The following EPG5 variants were observed in gnomAD, a reference collection of about 807,000 sequenced individuals.
EPG5 encodes the protein ectopic P granules protein 5 homolog.
A neutral mutation model predicts 302.7 loss-of-function variants in EPG5; 159 were observed. The observed-to-expected ratio is 0.53, with a 90% CI of 0.46 to 0.60. The LOEUF is 0.60. Among genes scored for constraint, EPG5 ranks in the 20% least tolerant of loss-of-function variants. The probability of loss-of-function intolerance (pLI) is 0.00; values close to 1 mark genes in which losing one functional copy is unlikely to be tolerated. For synonymous variants in EPG5, 1,158 were observed against 1,136.8 expected (o/e 1.02, Z -0.37); for missense variants, 2,896 against 3,092.4 (o/e 0.94, Z 1.51).
chr18:45,955,061 C>G lies in EPG5; in HGVS notation c.341G>C (p.Gly114Ala), dbSNP rs1465876496. 1.2e-6 allele frequency: 2 copies of G among 1,614,020 alleles called. No homozygotes were observed. Among genetic ancestry groups the G allele is most frequent in the Non-Finnish European group, 1.7e-6 (2 of 1,180,028 alleles). ...GACCTTTGGAGTGACTGCACTGTCC[C>G]CCACACAGGGTCTGGCCTCTCCCCC... ...KEGGEARPCV[G>A]DSAVTPKVHP... The change falls in exon 2 of 44, where the codon GGG becomes GCG. Residue 114 changes from glycine to alanine, a missense_variant. Transcript: ENST00000282041.
At chr18:45,953,273 G>T in intron 2 of EPG5, 1 of 983,386 alleles carries the variant, frequency 1.0e-6, no homozygotes, top group Non-Finnish European at 1.2e-6. Context: ...TTATGAATAT[G>T]AAGCCAATGT....
chr18:45,915,570 A>T lies in EPG5; in HGVS notation c.3634T>A (p.Trp1212Arg). 8 of 1,614,208 alleles carry T rather than the reference A, an allele frequency of 5.0e-6. No homozygotes were observed. Among genetic ancestry groups the T allele is most frequent in the Non-Finnish European group, 5.9e-6 (7 of 1,180,034 alleles). The change falls in exon 20 of 44, where the codon TGG (tryptophan) becomes AGG (arginine). Residue 1212 changes from tryptophan (W) to arginine (R), a missense_variant. Physicochemically the swap from Trp to Arg is moderately radical, Grantham distance 101. This residue lies in a region of EPG5 where 1,390 missense variants were observed against 1,430.0 expected (regional missense o/e 0.97). Transcript: ENST00000282041. ...DRSLLSSLVS[W>R]IVAGNITPSF... ...GGAGTGATGTTGCCTGCCACAATCC[A>T]GCTTACCAAAGATGAGAGCAGACTC...
At chr18:45,873,500 A>G (rs1029432688) in intron 35 of EPG5, among the ~76,000 whole-genome samples, 2 of 151,708 alleles carry the variant, frequency 1.3e-5, no homozygotes, top group Non-Finnish European at 2.9e-5. Context: ...ACAGAGTGAG[A>G]CTCAGTCTCA....
At chr18:45,960,673 G>A (rs796755618) in intron 1 of EPG5, among the ~76,000 whole-genome samples, 1 of 152,002 alleles carries the variant, frequency 6.6e-6, no homozygotes, top group African/African-American at 2.4e-5. Context: ...AAAACCTAAA[G>A]AAAAATACAA....
chr18:45,911,218 G>A (rs954742035), intron 22 of EPG5, among the ~76,000 whole-genome samples: 9 of 150,070 alleles, frequency 6.0e-5, no homozygotes, highest in African/African-American at 2.2e-4. Context: ...ACCTCCTGGC[G>A]ACTCTCCTGA....
In EPG5 at chr18:45,910,698, G is replaced by A. The variant is rs2049872647; in HGVS notation, c.4028C>T (p.Pro1343Leu). The change falls in exon 23 of 44, where the codon CCT becomes CTT. Residue 1343 changes from proline (P) to leucine (L), a missense_variant. Pro to Leu is a moderately conservative substitution (Grantham distance 98). Around this residue, in one of 5 missense-constraint regions of EPG5, gnomAD observed 790 missense variants for 798.0 expected, o/e 0.99. Coordinates refer to ENST00000282041, the MANE Select transcript of EPG5 (RefSeq NM_020964.3). ...GCIGRRFFQS[P>L]AHINLLKEMK... is the part of the protein sequence containing the mutation. The stretch of plus-strand genomic sequence containing the variant: ...TTCTTTCAACAAATTGATATGAGCA[G>A]GACTTTGAAAAAACCTTCTTCCAAT... The A allele has an allele frequency of 3.7e-6, 6 of 1,614,022 alleles. No homozygotes were observed. The highest frequency in any genetic ancestry group is 5.1e-6 in the Non-Finnish European group (6 of 1,179,988).
Position 45,952,567 on chromosome 18 carries a change from A to G in EPG5, c.1085T>C (p.Val362Ala). The change falls in exon 3 of 44, where the codon GTG (valine) becomes GCG (alanine). Residue 362 changes from valine (V) to alanine (A), a missense_variant. Val to Ala is a moderately conservative substitution (Grantham distance 64). Coordinates refer to ENST00000282041, the MANE Select transcript of EPG5 (RefSeq NM_020964.3). ...QRVEMNENAL[V>A]ELKKLFDAKS... The stretch of plus-strand genomic sequence containing the variant: ...GGCATCGAATAGCTTCTTTAGCTCC[A>G]CCAGTGCATTTTCATTCATTTCTAC... 1 of 1,614,154 alleles carries G rather than the reference A, an allele frequency of 6.2e-7. No homozygotes were observed. The highest frequency in any genetic ancestry group is 8.5e-7 in the Non-Finnish European group (1 of 1,180,010).
chr18:45,806,500 A>G, the EPG5 span, among the ~76,000 whole-genome samples: 1 of 152,146 alleles, frequency 6.6e-6, no homozygotes, highest in South Asian at 2.1e-4. Flanking sequence ...GGGAGACACA[A>G]CAAATACTGT....
chr18:45,870,876 G>C (rs901728294), intron 35 of EPG5, 134 bp from the exon 36 acceptor site: 5 of 691,186 alleles, frequency 7.2e-6, no homozygotes, highest in Admixed American at 3.0e-5. Flanking sequence ...TTTCATGTAG[G>C]GAGAGTGGTT....
At chr18:45,834,382 A>T in the EPG5 span, among the ~76,000 whole-genome samples, 76 of 152,332 alleles carry the variant, frequency 5.0e-4, no homozygotes, top group African/African-American at 1.8e-3. Flanking sequence ...TGGACAAGAC[A>T]CACAGTTCAA....
At chr18:45,870,452 G>A in intron 36 of EPG5, 115 bp downstream of exon 36, 1 of 793,806 alleles carries the variant, frequency 1.3e-6, no homozygotes, top group Non-Finnish European at 1.9e-6. Flanking sequence ...AACACAGAAT[G>A]TATTCATGGT....
chr18:45,842,423 C>CTGTGTGTG, the EPG5 span: 1 of 447,584 alleles, frequency 2.2e-6, no homozygotes, highest in African/African-American at 2.0e-5. Context: ...GTGCATACGT[C>CTGTGTGTG]TGTGTGTGTG....
chr18:45,824,246 G>A, the EPG5 span, among the ~76,000 whole-genome samples: 12 of 152,170 alleles, frequency 7.9e-5, no homozygotes, highest in South Asian at 6.2e-4. Flanking sequence ...TCGCTCTGTC[G>A]CCCAGGCTGG....
chr18:45,938,115 T>G (rs1370146893), intron 10 of EPG5, among the ~76,000 whole-genome samples: 1 of 152,134 alleles, frequency 6.6e-6, no homozygotes, highest in Non-Finnish European at 1.5e-5. Flanking sequence ...TGAACAGGAT[T>G]TGGTGCATCT....
intron 40 of EPG5, among the ~76,000 whole-genome samples, chr18:45,859,776 C>T (rs1170250401): frequency 6.6e-6 from 1 of 152,212 alleles, no homozygotes. Context: ...AGCATTTGTT[C>T]TGAGGACTAT....
At chr18:45,806,676 G>C in the EPG5 span, among the ~76,000 whole-genome samples, 39 of 152,154 alleles carry the variant, frequency 2.6e-4, no homozygotes, top group Admixed American at 2.3e-3. Context: ...AGAGAGCCTA[G>C]CAAAATACAG....
chr18:45,952,616 A>G lies in EPG5; in HGVS notation c.1036T>C (p.Phe346Leu), dbSNP rs2050937492. 1 of 1,614,170 alleles carries G rather than the reference A, an allele frequency of 6.2e-7. No homozygotes were observed. The highest frequency in any genetic ancestry group is 8.5e-7 in the Non-Finnish European group (1 of 1,180,034). ...ACTCTTTGGTAGCGATGATAGCTGA[A>G]AACTTTCACTTGATCTGCACAGATA... ...QGICADQVKV[F>L]SYHRYQRVEM... The change falls in exon 3 of 44, where the codon TTC becomes CTC. Residue 346 changes from phenylalanine to leucine, a missense_variant. By Grantham distance (22) the Phe-to-Leu change is conservative. Transcript: ENST00000282041.
In EPG5 at chr18:45,880,236, A is replaced by G; in HGVS notation, c.5519-13T>C. On this transcript the variant is annotated splice_polypyrimidine_tract_variant and intron_variant, in intron 31 of 43. Transcript: ENST00000282041. Reference sequence around the variant, plus strand: ...TGCTCCGCGGAGCCTGCCAGCAGGGACAGGAAGAGCAAGTCAGTGGCTTTC... The same window carrying G: ...TGCTCCGCGGAGCCTGCCAGCAGGGGCAGGAAGAGCAAGTCAGTGGCTTTC... The G allele has an allele frequency of 1.3e-6, 2 of 1,574,738 alleles. No homozygotes were observed. Among genetic ancestry groups the G allele is most frequent in the Non-Finnish European group, 1.7e-6 (2 of 1,159,204 alleles).
At chr18:45,958,185 A>T (rs61680317) in intron 1 of EPG5, among the ~76,000 whole-genome samples, 15,834 of 152,276 alleles carry the variant, frequency 0.1, 1,249 homozygotes, top group East Asian at 0.29. Flanking sequence ...AATTAAATGC[A>T]ACTTAATTTA....
Sources: allele counts gnomAD v4.1 joint callset (sites outside exome capture counted in the v4.1 genomes callset), GRCh38; gene constraint gnomAD v4.1.1; regional missense constraint gnomAD v4.1.1; transcripts MANE v1.5; gene names NCBI Gene and HGNC (gene_info 2026-07-23, HGNC 2026-07-21).